The following LRRFIP2 variants were observed in gnomAD, a reference collection of about 807,000 sequenced individuals.
LRRFIP2 encodes leucine-rich repeat flightless-interacting protein 2.
A neutral mutation model predicts 125.9 loss-of-function variants in LRRFIP2; 109 were observed. That is an observed-to-expected ratio of 0.87 (90% CI 0.74 to 1.01). The LOEUF (loss-of-function observed/expected upper bound fraction) is 1.01, where lower values mean the gene tolerates loss of function less well. LRRFIP2 is among the 50% of genes least tolerant of loss of function. The pLI, the probability that LRRFIP2 is intolerant of heterozygous loss-of-function variation, is 0.00. For missense variants in LRRFIP2, 850 were observed against 862.3 expected (o/e 0.99, Z 0.18); for synonymous variants, 291 against 293.1 (o/e 0.99, Z 0.07).
intron 8 of LRRFIP2, chr3:37,111,784 T>G (rs2094553509): frequency 6.6e-6 from 1 of 152,302 alleles, no homozygotes; most frequent in African/African-American, 2.4e-5. Context: ...ACACCGCTCC[T>G]CACTCCCCAC....
chr3:37,076,812 G>GC (rs1421024139), intron 19 of LRRFIP2, among the ~76,000 whole-genome samples: 1 of 152,110 alleles, frequency 6.6e-6, no homozygotes, highest in African/African-American at 2.4e-5. Context: ...ATTGTGGTGA[G>GC]CCGAGATTGC....
intron 25 of LRRFIP2, among the ~76,000 whole-genome samples, chr3:37,055,970 TAA>T (rs2086730499): frequency 6.6e-6 from 1 of 152,222 alleles, no homozygotes; most frequent in Admixed American, 6.5e-5. Context: ...TGACTCCCCT[TAA>T]TTATAAGTCC....
intron 19 of LRRFIP2, among the ~76,000 whole-genome samples, chr3:37,076,775 A>T (rs998753366): frequency 1.3e-5 from 2 of 151,906 alleles, no homozygotes; most frequent in South Asian, 4.1e-4. Flanking sequence ...CTGAGGCAGG[A>T]GAATTGCTTG....
intron 1 of LRRFIP2, among the ~76,000 whole-genome samples, chr3:37,161,634 G>A (rs1025480983): frequency 6.6e-6 from 1 of 152,098 alleles, no homozygotes; most frequent in Non-Finnish European, 1.5e-5. Flanking sequence ...AATTAGGGCT[G>A]ATGGCTGCAC....
At chr3:37,150,156 T>C (rs1452170317) in intron 1 of LRRFIP2, among the ~76,000 whole-genome samples, 1 of 152,004 alleles carries the variant, frequency 6.6e-6, no homozygotes, top group Non-Finnish European at 1.5e-5. Context: ...AGAAAACTGA[T>C]ATAGTCAAAT....
intron 1 of LRRFIP2, among the ~76,000 whole-genome samples, chr3:37,159,650 G>A (rs984062703): frequency 1.3e-5 from 2 of 151,912 alleles, no homozygotes. Context: ...GGGATTACAG[G>A]CATGTGCCAC....
At chr3:37,065,535 T>C (rs949880705) in intron 23 of LRRFIP2, 1 of 577,058 alleles carries the variant, frequency 1.7e-6, no homozygotes, top group Non-Finnish European at 3.3e-6. Context: ...GCAGAACAGT[T>C]TGTAGTTAAG....
chr3:37,061,622 C>G (rs1280587512), intron 24 of LRRFIP2, among the ~76,000 whole-genome samples: 2 of 152,002 alleles, frequency 1.3e-5, no homozygotes, highest in Non-Finnish European at 2.9e-5. Flanking sequence ...CAACTCCTGA[C>G]CTCAACCACC....
At chr3:37,085,634 T>C (rs1373129646) in intron 18 of LRRFIP2, among the ~76,000 whole-genome samples, 2 of 149,658 alleles carry the variant, frequency 1.3e-5, no homozygotes, top group East Asian at 4.0e-4. Context: ...CGGGCTGGAG[T>C]GCAATGGCGC....
intron 6 of LRRFIP2, among the ~76,000 whole-genome samples, chr3:37,116,182 T>C (rs566004335): frequency 3.4e-4 from 52 of 152,254 alleles, no homozygotes; most frequent in African/African-American, 1.2e-3. Context: ...TGGAGTACAA[T>C]AGCTTGATCA....
At chr3:37,125,449 C>T (rs1300741516) in intron 4 of LRRFIP2, among the ~76,000 whole-genome samples, 2 of 152,188 alleles carry the variant, frequency 1.3e-5, no homozygotes, top group African/African-American at 4.8e-5. Context: ...CTTTCACCTT[C>T]CAGCACATTA....
chr3:37,076,726 C>T (rs1318776339), intron 19 of LRRFIP2, among the ~76,000 whole-genome samples: 1 of 151,622 alleles, frequency 6.6e-6, no homozygotes, highest in African/African-American at 2.4e-5. Flanking sequence ...ATTAGTCAGG[C>T]GTGGTGGTGC....
At chr3:37,147,727 T>A (rs2095893331) in intron 2 of LRRFIP2, among the ~76,000 whole-genome samples, 1 of 152,244 alleles carries the variant, frequency 6.6e-6, no homozygotes, top group Admixed American at 6.5e-5. Context: ...AAGAATATAA[T>A]TTAATGATGC....
intron 2 of LRRFIP2, 122 bp from the exon 3 acceptor site, chr3:37,129,271 T>C (rs1291203013): frequency 8.3e-6 from 6 of 725,276 alleles, no homozygotes; most frequent in Non-Finnish European, 1.4e-5. Context: ...AGATATTATC[T>C]ATCAGCAAGC....
intron 25 of LRRFIP2, among the ~76,000 whole-genome samples, chr3:37,056,623 T>C (rs1445138890): frequency 1.3e-5 from 2 of 151,916 alleles, no homozygotes; most frequent in Non-Finnish European, 2.9e-5. Flanking sequence ...CTGGCTAAAT[T>C]TTTGTATTTT....
At chr3:37,123,652 T>C (rs2095162808) in intron 4 of LRRFIP2, among the ~76,000 whole-genome samples, 6 of 152,292 alleles carry the variant, frequency 3.9e-5, no homozygotes, top group Admixed American at 3.9e-4. Context: ...GGCTACTTAG[T>C]TTGGTTAGTT....
chr3:37,157,560 G>A (rs2096234750), intron 1 of LRRFIP2, among the ~76,000 whole-genome samples: 1 of 151,712 alleles, frequency 6.6e-6, no homozygotes, highest in South Asian at 2.1e-4. Context: ...AGGAGAGAGA[G>A]GGGAAAAGAG....
chr3:37,055,208 A>ATCTC, intron 25 of LRRFIP2, 43 bp from the exon 26 acceptor site: 1 of 1,197,772 alleles, frequency 8.3e-7, no homozygotes, highest in Non-Finnish European at 1.2e-6. Flanking sequence ...CCTGTCAGAG[A>ATCTC]TGACAGTATG....
intron 2 of LRRFIP2, chr3:37,134,988 T>C (rs1034920058): frequency 6.6e-6 from 10 of 1,516,492 alleles, no homozygotes; most frequent in Non-Finnish European, 8.2e-6. Context: ...TGTTCACTGC[T>C]ATGTGATCCA....
Sources: gnomAD v4.1 joint callset for allele counts (sites outside exome capture counted in the v4.1 genomes callset) on GRCh38, gnomAD v4.1.1 for gene constraint, MANE v1.5 for transcripts, NCBI Gene and HGNC (gene_info 2026-07-23, HGNC 2026-07-21) for gene names.